ESRRB: variants seen among roughly 807,000 people sequenced by gnomAD.
ESRRB encodes the protein steroid hormone receptor ERR2.
A neutral mutation model predicts 46.0 loss-of-function variants in ESRRB; 16 were observed. That is an observed-to-expected ratio of 0.35 (90% confidence interval 0.24 to 0.53). The LOEUF (loss-of-function observed/expected upper bound fraction) is 0.53, where lower values mean the gene tolerates loss of function less well. Among genes scored for constraint, ESRRB ranks in the 20% least tolerant of loss-of-function variants. The pLI, the probability that ESRRB is intolerant of heterozygous loss-of-function variation, is 0.93. For synonymous variants in ESRRB, 246 were observed against 259.6 expected (o/e 0.95, Z 0.50); for missense variants, 488 against 607.4 (o/e 0.80, Z 2.07).
intron 1 of ESRRB, among the ~76,000 whole-genome samples, chr14:76,349,679 C>T (rs1263457370): frequency 6.6e-6 from 1 of 152,152 alleles, no homozygotes; most frequent in African/African-American, 2.4e-5. Context: ...AGAGAGCATC[C>T]TCGTCCACTA....
At chr14:76,379,357 C>T (rs559801257) in intron 1 of ESRRB, among the ~76,000 whole-genome samples, 23 of 152,126 alleles carry the variant, frequency 1.5e-4, no homozygotes, top group Non-Finnish European at 3.2e-4. Flanking sequence ...CTATCTTCCC[C>T]ACCGTCCGAT....
intron 1 of ESRRB, among the ~76,000 whole-genome samples, chr14:76,362,953 A>G (rs560738709): frequency 2.0e-5 from 3 of 152,240 alleles, no homozygotes; most frequent in South Asian, 2.1e-4. Context: ...TTAGGCAAAA[A>G]CATTTCTGTT....
chr14:76,351,614 T>C (rs1050240252), intron 1 of ESRRB, among the ~76,000 whole-genome samples: 8 of 152,180 alleles, frequency 5.3e-5, no homozygotes, highest in Non-Finnish European at 1.2e-4. Context: ...TCAGCATATC[T>C]TTTCGAGGGA....
intron 1 of ESRRB, among the ~76,000 whole-genome samples, chr14:76,350,046 TG>T (rs1164624425): frequency 2.0e-5 from 3 of 152,188 alleles, no homozygotes; most frequent in African/African-American, 7.2e-5. Flanking sequence ...TGAGTGATAC[TG>T]GAGCGTTCTT....
chr14:76,324,963 C>CTTTTTTTTTTTTTTTTTTTTTTTTTT (rs34780208), intron 1 of ESRRB, among the ~76,000 whole-genome samples: 1 of 102,212 alleles, frequency 9.8e-6, no homozygotes, highest in African/African-American at 3.7e-5. Context: ...TTTTCTTTTT[C>CTTTTTTTTTTTTTTTTTTTTTTTTTT]TTTTTTTTTT....
At chr14:76,420,372 C>G (rs1886888729) in intron 1 of ESRRB, among the ~76,000 whole-genome samples, 1 of 152,116 alleles carries the variant, frequency 6.6e-6, no homozygotes, top group Non-Finnish European at 1.5e-5. Context: ...AGAGCAGACA[C>G]CATATCAGTT....
chr14:76,347,174 GGTTACTGT>G (rs1884261396), intron 1 of ESRRB, among the ~76,000 whole-genome samples: 1 of 152,106 alleles, frequency 6.6e-6, no homozygotes, highest in Admixed American at 6.5e-5. Context: ...TCCACCTCAG[GGTTACTGT>G]CTGTGGGCTG....
At chr14:76,345,618 A>G (rs539894953) in intron 1 of ESRRB, among the ~76,000 whole-genome samples, 2 of 152,094 alleles carry the variant, frequency 1.3e-5, no homozygotes, top group East Asian at 1.9e-4. Context: ...TACAGCCACT[A>G]TGGAAAACAG....
intron 1 of ESRRB, among the ~76,000 whole-genome samples, chr14:76,343,754 C>T (rs994365208): frequency 5.3e-5 from 8 of 152,222 alleles, no homozygotes; most frequent in African/African-American, 9.6e-5. Context: ...TATGCATCAT[C>T]GTTTCCACTT....
At chr14:76,371,809 G>A (rs968385700), upstream of ESRRB, among the ~76,000 whole-genome samples, 32 of 152,184 alleles carry the variant, frequency 2.1e-4, no homozygotes, top group Non-Finnish European at 1.5e-4. Context: ...CTCTCCTGGG[G>A]ACCAAGCTGG....
At chr14:76,438,437 G>A (rs1887765580) in intron 1 of ESRRB, among the ~76,000 whole-genome samples, 1 of 152,102 alleles carries the variant, frequency 6.6e-6, no homozygotes, top group South Asian at 2.1e-4. Context: ...CGAGGCGGGT[G>A]GATCACCTAA....
At chr14:76,381,580 T>A (rs1356745622) in intron 1 of ESRRB, among the ~76,000 whole-genome samples, 2 of 152,198 alleles carry the variant, frequency 1.3e-5, no homozygotes, top group Non-Finnish European at 2.9e-5. Flanking sequence ...ACTGGAAGGA[T>A]GTGACGGAAG....
At position 76,499,073 on chromosome 14, in the gene ESRRB, C is replaced by T; in HGVS notation, c.*615C>T. On this transcript the variant is annotated 3_prime_UTR_variant, in exon 7 of 7. Coordinates refer to ENST00000644823, the MANE Select transcript of ESRRB (RefSeq NM_001379180.1). ...GGCTAGAGCTCAAGTGCTTCCTGGG[C>T]ACCCCACCCCTCGGGGCCTACCCCC... 1 of 337,254 alleles carries T rather than the reference C, an allele frequency of 3.0e-6. No homozygotes were observed. Among genetic ancestry groups the T allele is most frequent in the South Asian group, 2.3e-5 (1 of 44,420 alleles). 20.9% of individuals were successfully genotyped at this position (337,254 alleles called of 1,614,324 possible).
chr14:76,485,625 CT>C (rs1482024058), intron 5 of ESRRB, among the ~76,000 whole-genome samples: 3 of 68,696 alleles, frequency 4.4e-5, no homozygotes, highest in African/African-American at 1.9e-4. Context: ...CTCCCTATCC[CT>C]GAGAGAGAGA....
At chr14:76,380,319 T>G (rs563496618) in intron 1 of ESRRB, among the ~76,000 whole-genome samples, 36 of 152,224 alleles carry the variant, frequency 2.4e-4, no homozygotes, top group African/African-American at 7.9e-4. Context: ...GAGTTGGCCA[T>G]GAATGCATAG....
At chr14:76,422,803 T>C (rs1455155985) in intron 1 of ESRRB, among the ~76,000 whole-genome samples, 1 of 152,136 alleles carries the variant, frequency 6.6e-6, no homozygotes, top group East Asian at 1.9e-4. Context: ...AGGCCGGGAT[T>C]CCGACACAGG....
At chr14:76,481,525 A>T (rs1424917981) in intron 3 of ESRRB, among the ~76,000 whole-genome samples, 1 of 152,226 alleles carries the variant, frequency 6.6e-6, no homozygotes, top group Non-Finnish European at 1.5e-5. Flanking sequence ...TTATGCTAGA[A>T]CCTCAGAGAG....
intron 5 of ESRRB, 151 bp from the exon 6 acceptor site, chr14:76,491,296 C>G (rs1233975503): frequency 1.4e-6 from 1 of 720,216 alleles, no homozygotes; most frequent in Non-Finnish European, 2.3e-6. Flanking sequence ...TCTTACGCTA[C>G]ACAGGGAAAG....
intron 3 of ESRRB, among the ~76,000 whole-genome samples, chr14:76,478,728 G>A (rs1889683449): frequency 6.6e-6 from 1 of 152,082 alleles, no homozygotes; most frequent in African/African-American, 2.4e-5. Context: ...GGTTTGGTTT[G>A]GCCTGGGTAT....
Sources: gnomAD v4.1 joint callset for allele counts (sites outside exome capture counted in the v4.1 genomes callset) on GRCh38, gnomAD v4.1.1 for gene constraint, MANE v1.5 for transcripts, NCBI Gene and HGNC (gene_info 2026-07-23, HGNC 2026-07-21) for gene names.